Variants in SLC1A2 observed in about 807,000 individuals in gnomAD.
SLC1A2 encodes the protein excitatory amino acid transporter 2.
Under a neutral mutation model 48.8 loss-of-function variants are expected in SLC1A2, and 15 were observed. That is an observed-to-expected ratio of 0.31 (90% CI 0.21 to 0.47). The LOEUF (loss-of-function observed/expected upper bound fraction) is 0.47, where lower values mean the gene tolerates loss of function less well. Among genes scored for constraint, SLC1A2 ranks in the 20% least tolerant of loss-of-function variants. The pLI is 0.99. For missense variants in SLC1A2, 502 were observed against 730.5 expected, an observed-to-expected ratio of 0.69 and a Z score of 3.61; for synonymous variants, 279 against 272.6, an observed-to-expected ratio of 1.02 and a Z score of -0.23.
intron 1 of SLC1A2, among the ~76,000 whole-genome samples, chr11:35,338,122 C>T (rs1371986127): frequency 6.6e-6 from 1 of 152,160 alleles, no homozygotes; most frequent in Non-Finnish European, 1.5e-5. Context: ...ATCCAGTCAA[C>T]AGCCCATTTT....
intron 1 of SLC1A2, among the ~76,000 whole-genome samples, chr11:35,405,342 T>C (rs1164643908): frequency 6.6e-6 from 1 of 152,120 alleles, no homozygotes; most frequent in African/African-American, 2.4e-5. Flanking sequence ...TCTTTAATAG[T>C]TAAAAGATCA....
At chr11:35,348,519 C>T (rs1853121727) in intron 1 of SLC1A2, among the ~76,000 whole-genome samples, 1 of 151,968 alleles carries the variant, frequency 6.6e-6, no homozygotes, top group Non-Finnish European at 1.5e-5. Context: ...AAGTCATGTC[C>T]AAGAGGTAAA....
intron 1 of SLC1A2, chr11:35,371,085 T>C (rs1854045434): frequency 2.7e-5 from 26 of 979,030 alleles, no homozygotes; most frequent in Non-Finnish European, 2.9e-5. Context: ...TGTGTTCACT[T>C]TGGTCCAGCA....
At chr11:35,354,230 T>C (rs937292954) in intron 1 of SLC1A2, among the ~76,000 whole-genome samples, 40 of 152,148 alleles carry the variant, frequency 2.6e-4, no homozygotes, top group African/African-American at 9.2e-4. Flanking sequence ...GGAGAGAGGA[T>C]TGGTTGGGAC....
intron 4 of SLC1A2, among the ~76,000 whole-genome samples, chr11:35,308,399 G>A (rs1294553393): frequency 3.3e-5 from 5 of 152,146 alleles, no homozygotes; most frequent in African/African-American, 7.2e-5. Flanking sequence ...GAAGCTGTTC[G>A]GTTGCACAAC....
At chr11:35,392,276 C>T (rs1426164768) in intron 1 of SLC1A2, 1 of 152,140 alleles carries the variant, frequency 6.6e-6, no homozygotes, top group Admixed American at 6.5e-5. Flanking sequence ...TTTCTAAGTA[C>T]ATTGCTGAGC....
At position 35,419,057 on chromosome 11, in the gene SLC1A2, G is replaced by C. The variant is rs1183289600; in HGVS notation, c.-91C>G. On this transcript the variant is annotated 5_prime_UTR_variant, in exon 1 of 11. Coordinates refer to ENST00000278379, the MANE Select transcript of SLC1A2 (RefSeq NM_004171.4). The surrounding 1 kb of genome is among the most constrained non-coding windows in gnomAD (Gnocchi z 5.4). ...GCCGGGGTGAGCGCGAAGTGCGGCCGGGAGCGGTATTTAAGAGGAGCCTCT... is the reference window on the plus strand; with the variant it reads ...GCCGGGGTGAGCGCGAAGTGCGGCCCGGAGCGGTATTTAAGAGGAGCCTCT... 2.4e-6 allele frequency: 3 copies of C among 1,248,376 alleles called. No individual in the cohort carries two copies. Among genetic ancestry groups the C allele is most frequent in the Non-Finnish European group, 3.4e-6 (3 of 882,206 alleles). The allele number at this position is 1,248,376 out of a possible 1,614,324, so 77.3% of individuals were successfully genotyped here.
chr11:35,357,234 G>T lies in SLC1A2; in HGVS notation c.18-39718C>A, dbSNP rs550257252. Among the ~76,000 whole-genome samples the T allele has an allele frequency of 3.3e-5, 5 of 149,944 alleles. No homozygotes were observed. In the Middle Eastern group the frequency reaches 0.01, roughly 310 times the overall value. On this transcript the variant is annotated intron_variant, in intron 1 of 10. Coordinates refer to ENST00000278379, the MANE Select transcript of SLC1A2 (RefSeq NM_004171.4). ...ATCGTGCCACTGCACTCCAGCCTGG[G>T]CAACTGAGCGAGACTCTATATCAAA... is the stretch of plus-strand genomic sequence containing the variant.
chr11:35,382,034 T>C lies in SLC1A2; in HGVS notation c.17+36916A>G, dbSNP rs374708351. ...TGGTTAGATTCCCACAACAACCTTA[T>C]GAAGCAGGTATGATAACATGCCCAT... On this transcript the variant is annotated intron_variant, in intron 1 of 10. Transcript: ENST00000278379. 1.4e-4 allele frequency among the ~76,000 whole-genome samples: 22 copies of C among 152,338 alleles called. No individual in the cohort carries two copies. In the South Asian group the frequency reaches 4.3e-3, roughly 30 times the overall value.
At chr11:35,412,697 G>A (rs959404127) in intron 1 of SLC1A2, among the ~76,000 whole-genome samples, 3 of 152,196 alleles carry the variant, frequency 2.0e-5, no homozygotes, top group African/African-American at 2.4e-5. Flanking sequence ...AAGTTAAGTC[G>A]CAACCCTAAA....
upstream of SLC1A2, chr11:35,419,775 A>C (rs1855730946): frequency 3.4e-6 from 1 of 293,962 alleles, no homozygotes; most frequent in African/African-American, 2.3e-5. This position sits in a 1 kb window ranked among gnomAD's most constrained non-coding sequence, Gnocchi z 5.4. Flanking sequence ...GCGTGGCCCC[A>C]GGTCACCCCG....
At chr11:35,297,427 C>T (rs1295069071) in intron 6 of SLC1A2, among the ~76,000 whole-genome samples, 6 of 152,172 alleles carry the variant, frequency 3.9e-5, no homozygotes, top group Admixed American at 6.5e-5. Flanking sequence ...AATCCCGTTG[C>T]TGTGGTCCCT....
At chr11:35,325,946 A>C (rs4996048) in intron 1 of SLC1A2, among the ~76,000 whole-genome samples, 17,692 of 145,738 alleles carry the variant, frequency 0.12, 1,275 homozygotes, top group East Asian at 0.2. Flanking sequence ...CCTGGGCAAC[A>C]AGGGTGAAAT....
At chr11:35,327,079 C>T (rs1013061405) in intron 1 of SLC1A2, among the ~76,000 whole-genome samples, 19 of 152,154 alleles carry the variant, frequency 1.2e-4, no homozygotes, top group African/African-American at 2.7e-4. Context: ...TGAAGTCAAC[C>T]GTGTTTGAAA....
At chr11:35,280,814 C>G in intron 9 of SLC1A2, 53 bp downstream of exon 9, 1 of 1,325,816 alleles carries the variant, frequency 7.5e-7, no homozygotes, top group Non-Finnish European at 1.0e-6. Context: ...ACCTGTGCAT[C>G]CCTAGGAGGC....
chr11:35,354,581 A>G (rs1451738905), intron 1 of SLC1A2, among the ~76,000 whole-genome samples: 1 of 152,194 alleles, frequency 6.6e-6, no homozygotes, highest in Non-Finnish European at 1.5e-5. Context: ...AGCCAGGGGC[A>G]ATTTTGTAAT....
chr11:35,371,941 CA>C (rs1182292470), intron 1 of SLC1A2, among the ~76,000 whole-genome samples: 6 of 152,194 alleles, frequency 3.9e-5, no homozygotes, highest in Non-Finnish European at 8.8e-5. Context: ...AAATGCAAAA[CA>C]AAATGATAGT....
chr11:35,272,746 A>T (rs901907492), intron 9 of SLC1A2, among the ~76,000 whole-genome samples: 22 of 152,218 alleles, frequency 1.4e-4, no homozygotes, highest in Non-Finnish European at 2.8e-4. Context: ...TTGGGTCTGG[A>T]CGCTGTGTGT....
At chr11:35,324,441 G>T (rs1852174412) in intron 1 of SLC1A2, among the ~76,000 whole-genome samples, 1 of 152,106 alleles carries the variant, frequency 6.6e-6, no homozygotes, top group African/African-American at 2.4e-5. Flanking sequence ...CAACTCACTG[G>T]GTCATTACAG....
Sources: allele counts gnomAD v4.1 joint callset (sites outside exome capture counted in the v4.1 genomes callset), GRCh38; gene constraint gnomAD v4.1.1; non-coding constraint Gnocchi (gnomAD v3.1); transcripts MANE v1.5; gene names NCBI Gene and HGNC (gene_info 2026-07-23, HGNC 2026-07-21).